The following COL4A4 variants were observed in gnomAD, a reference collection of about 807,000 sequenced individuals.
COL4A4 encodes collagen alpha-4(IV) chain.
COL4A4 carries 105 observed loss-of-function variants against 192.9 expected under a neutral mutation model. The ratio of observed to expected loss-of-function variants is 0.54; its 90% CI spans 0.46 to 0.64. COL4A4 has a LOEUF of 0.64. COL4A4 is among the 30% of genes least tolerant of loss of function. The pLI is 0.00. For missense variants in COL4A4, 1,967 were observed against 2,169.3 expected, an observed-to-expected ratio of 0.91 and a Z score of 1.85; for synonymous variants, 762 against 769.9, an observed-to-expected ratio of 0.99 and a Z score of 0.17.
At chr2:227,035,720 T>A (rs921182544) in intron 37 of COL4A4, among the ~76,000 whole-genome samples, 2 of 152,190 alleles carry the variant, frequency 1.3e-5, no homozygotes, top group African/African-American at 4.8e-5. Flanking sequence ...TTGCAATCTA[T>A]CTGAAATGAT....
chr2:227,141,305 C>T (rs2063192218), intron 3 of COL4A4, among the ~76,000 whole-genome samples: 1 of 152,218 alleles, frequency 6.6e-6, no homozygotes, highest in Admixed American at 6.5e-5. Flanking sequence ...CCTTTTTAAA[C>T]TTAAGGCTGT....
chr2:227,041,914 GA>G (rs748472056), intron 37 of COL4A4, among the ~76,000 whole-genome samples: 24 of 150,784 alleles, frequency 1.6e-4, no homozygotes, highest in African/African-American at 5.8e-4. Flanking sequence ...AAGAAAGAAA[GA>G]AAGAAAGAAA....
At chr2:227,110,138 A>C (rs2061109031) in intron 9 of COL4A4, among the ~76,000 whole-genome samples, 1 of 152,164 alleles carries the variant, frequency 6.6e-6, no homozygotes, top group Non-Finnish European at 1.5e-5. Flanking sequence ...ATTGTCAAGG[A>C]AAGGTTACAG....
chr2:227,137,174 A>G (rs2062869737), intron 4 of COL4A4, among the ~76,000 whole-genome samples: 1 of 152,126 alleles, frequency 6.6e-6, no homozygotes, highest in South Asian at 2.1e-4. Context: ...CCCTATCCAG[A>G]GACTGCTTAG....
intron 24 of COL4A4, among the ~76,000 whole-genome samples, chr2:227,078,308 T>C (rs1363476464): frequency 6.6e-6 from 1 of 152,182 alleles, no homozygotes; most frequent in Non-Finnish European, 1.5e-5. Context: ...AGTGGTGCTA[T>C]CTCGGTTCAC....
At chr2:227,144,337 A>C (rs961542228) in intron 3 of COL4A4, among the ~76,000 whole-genome samples, 179 bp downstream of exon 3, 10 of 152,276 alleles carry the variant, frequency 6.6e-5, no homozygotes, top group African/African-American at 1.9e-4. Flanking sequence ...TAGGCAATTC[A>C]GAAAGCAGTC....
chr2:227,089,611 A>ATATATATATATATG (rs1491267361), intron 21 of COL4A4, among the ~76,000 whole-genome samples: 3 of 119,648 alleles, frequency 2.5e-5, no homozygotes, highest in African/African-American at 1.3e-4. Flanking sequence ...ATATATATAC[A>ATATATATATATATG]TACATATATA....
chr2:227,066,134 G>A (rs1049348325), intron 25 of COL4A4, among the ~76,000 whole-genome samples: 1 of 151,706 alleles, frequency 6.6e-6, no homozygotes. Context: ...AGCGATGGAA[G>A]ATGAAATGAA....
intron 25 of COL4A4, 151 bp downstream of exon 25, chr2:227,077,743 C>T: frequency 1.5e-6 from 1 of 682,576 alleles, no homozygotes. Context: ...TCTAGGGATA[C>T]AAAAATCTAC....
At chr2:227,114,587 GA>G (rs1470030789) in intron 8 of COL4A4, 40 bp downstream of exon 8, 1 of 1,544,070 alleles carries the variant, frequency 6.5e-7, no homozygotes, top group Non-Finnish European at 9.0e-7. Context: ...TACCTATTTG[GA>G]AGAAAAAATT....
intron 20 of COL4A4, among the ~76,000 whole-genome samples, chr2:227,091,047 TTCCTGAAATTGGCAGCA>T (rs2059892568): frequency 6.6e-6 from 1 of 151,774 alleles, no homozygotes; most frequent in African/African-American, 2.4e-5. Context: ...AAAGATCCCC[TTCCTGAAATTGGCAGCA>T]GGGAAAGAAA....
chr2:227,033,438 T>G lies in COL4A4; in HGVS notation c.3549A>C (p.Lys1183Asn). Residue 1183 changes from lysine to asparagine, a missense_variant, in exon 38 of 48, where the codon AAA becomes AAC. By Grantham distance (94) the Lys-to-Asn change is moderately conservative (BLOSUM62 0). Transcript: ENST00000396625. ...AAGCACCTTTAGTTCCTTTCTGACC[T>G]TTCAATCCATGCAAGCCGTTCAGGC... The part of the protein sequence containing the change: ...SPGLNGLHGL[K>N]GQKGTKGASG... The G allele has an allele frequency of 1.2e-6, 2 of 1,613,636 alleles. No individual in the cohort carries two copies. The highest frequency in any genetic ancestry group is 1.7e-6 in the Non-Finnish European group (2 of 1,179,974).
rs186754029 is a variant in COL4A4 at position 227,113,334 on chromosome 2, C to T, written c.558+1294G>A. On this transcript the variant is annotated intron_variant, in intron 8 of 47. Coordinates refer to ENST00000396625, the MANE Select transcript of COL4A4 (RefSeq NM_000092.5). ...TCTACAGGTCATTTTTATTAGGGATCTTCTGTTTCCCCTTAAGATAAGGAA... is the reference window on the plus strand; with the variant it reads ...TCTACAGGTCATTTTTATTAGGGATTTTCTGTTTCCCCTTAAGATAAGGAA... 1.2e-3 allele frequency among the ~76,000 whole-genome samples: 178 copies of T among 152,244 alleles called. 1 individual carries two copies. The highest frequency in any genetic ancestry group is 6.8e-3 in the Middle Eastern group (2 of 294).
intron 15 of COL4A4, 118 bp downstream of exon 15, chr2:227,102,671 T>C (rs2060590396): frequency 1.2e-6 from 1 of 848,666 alleles, no homozygotes; most frequent in Admixed American, 1.8e-5. Flanking sequence ...CAAAATGTTT[T>C]GTTCTTACAT....
chr2:227,066,432 A>T (rs1000644576), intron 25 of COL4A4, among the ~76,000 whole-genome samples: 3 of 152,060 alleles, frequency 2.0e-5, no homozygotes, highest in Non-Finnish European at 4.4e-5. Context: ...ACCAAAGTTG[A>T]AATGAAGGAA....
rs374497352 is a variant in COL4A4, at chr2:227,007,327, A to G, written c.5071T>C (p.Ter1691GlnextTer24). 3 of 1,614,088 alleles carry G rather than the reference A, an allele frequency of 1.9e-6. No individual in the cohort carries two copies. Among genetic ancestry groups the G allele is most frequent in the Non-Finnish European group, 2.5e-6 (3 of 1,180,052 alleles). Residue 1691 changes from the stop codon to glutamine, a stop_lost, in exon 48 of 48, where the codon TAG (stop) becomes CAG (glutamine). Coordinates refer to ENST00000396625, the MANE Select transcript of COL4A4 (RefSeq NM_000092.5). ...SRCQVCVKYS[*>Q] ...CGTGTTGGTGAATTTCGCATTCTCT[A>G]GCTATACTTCACGCAGACCTGGCAC...
Position 227,123,348 on chromosome 2 carries a change from C to A in COL4A4, c.193-2200G>T, listed in dbSNP as rs183459400. On this transcript the variant is annotated intron_variant, in intron 4 of 47. Transcript: ENST00000396625. This position sits in a 1 kb window ranked among gnomAD's most constrained non-coding sequence, Gnocchi z 4.6. ...GAGACTCAGTGAATAAATTAGGGTG[C>A]CTTCAAACAGGAAAGCCCTCACAGC... Among the ~76,000 whole-genome samples, 2 of 152,312 alleles carry A rather than the reference C, an allele frequency of 1.3e-5. No homozygotes were observed. The highest frequency in any genetic ancestry group is 3.9e-4 in the East Asian group (2 of 5,182).
intron 33 of COL4A4, 143 bp from the exon 34 acceptor site, chr2:227,050,274 C>T: frequency 1.4e-6 from 1 of 737,450 alleles, no homozygotes. Context: ...GCATGCAAGC[C>T]TCCCACTACA....
rs749126012 is a variant in COL4A4 at position 227,007,491 on chromosome 2, C to T, written c.4907G>A (p.Gly1636Asp). 6.2e-7 allele frequency: 1 copy of T among 1,614,126 alleles called. No homozygotes were observed. Among genetic ancestry groups the T allele is most frequent in the South Asian group, 1.1e-5 (1 of 91,078 alleles). ...FRAAPFLECQ[G>D]RQGTCHFFAN... is the part of the protein sequence containing the mutation. The stretch of plus-strand genomic sequence containing the variant: ...GAAAAAGTGGCAAGTTCCCTGCCGG[C>T]CCTGGCATTCAAGGAATGGTGCTGC... The change falls in exon 48 of 48, where the codon GGC (glycine) becomes GAC (aspartate). Residue 1636 changes from glycine to aspartate, a missense_variant. By Grantham distance (94) the Gly-to-Asp change is moderately conservative. Coordinates refer to ENST00000396625, the MANE Select transcript of COL4A4 (RefSeq NM_000092.5).
Sources: gnomAD v4.1 joint callset for allele counts (sites outside exome capture counted in the v4.1 genomes callset) on GRCh38, gnomAD v4.1.1 for gene constraint, Gnocchi (gnomAD v3.1) non-coding constraint, MANE v1.5 for transcripts, NCBI Gene and HGNC (gene_info 2026-07-23, HGNC 2026-07-21) for gene names.